Variants in LATS1 observed in about 807,000 individuals in gnomAD.
LATS1 encodes the protein serine/threonine-protein kinase LATS1.
LATS1 carries 25 observed loss-of-function variants against 106.6 expected under a neutral mutation model. The ratio of observed to expected loss-of-function variants is 0.23; its 90% CI spans 0.17 to 0.33. The LOEUF is 0.33. LATS1 is among the 10% of genes least tolerant of loss of function. The probability of loss-of-function intolerance (pLI) is 1.00; values close to 1 mark genes in which losing one functional copy is unlikely to be tolerated. For missense variants in LATS1, 1,040 were observed against 1,382.6 expected, an observed-to-expected ratio of 0.75 and a Z score of 3.93; for synonymous variants, 465 against 455.6, an observed-to-expected ratio of 1.02 and a Z score of -0.26.
intron 3 of LATS1, among the ~76,000 whole-genome samples, chr6:149,688,449 C>T (rs1782530617): frequency 6.6e-6 from 1 of 151,990 alleles, no homozygotes; most frequent in African/African-American, 2.4e-5. Context: ...GCTGGGATTA[C>T]AGGCGCCCAC....
chr6:149,708,110 C>T (rs1014199940), intron 1 of LATS1, among the ~76,000 whole-genome samples: 3 of 152,148 alleles, frequency 2.0e-5, no homozygotes, highest in Admixed American at 2.0e-4. Context: ...ACACAGGATT[C>T]ATTTTAAAGA....
At chr6:149,670,713 G>C (rs184325147) in intron 7 of LATS1, among the ~76,000 whole-genome samples, 1 of 152,194 alleles carries the variant, frequency 6.6e-6, no homozygotes, top group Admixed American at 6.5e-5. Flanking sequence ...AAGAGACAGA[G>C]ATCCATTTCT....
intron 2 of LATS1, among the ~76,000 whole-genome samples, chr6:149,698,795 C>T (rs1170726835): frequency 1.3e-5 from 2 of 152,046 alleles, no homozygotes; most frequent in East Asian, 3.9e-4. Flanking sequence ...CACCTGGCCT[C>T]AAGTGATCCA....
chr6:149,673,357 C>A (rs550286608), intron 7 of LATS1, among the ~76,000 whole-genome samples: 1 of 151,864 alleles, frequency 6.6e-6, no homozygotes, highest in East Asian at 1.9e-4. Flanking sequence ...CCTTGGCTTA[C>A]CAAAGTGCTA....
rs751326880 is a variant in LATS1 at position 149,717,997 on chromosome 6, C to T, written c.-289G>A. ...GGGGCTGCCGCGGGCCAGCGCGGCC[C>T]GTCCCAGGGGTCGTGAGGACCTGGC... On this transcript the variant is annotated 5_prime_UTR_variant, in exon 1 of 8. Transcript: ENST00000543571. The T allele has an allele frequency of 1.4e-5, 5 of 364,052 alleles. No homozygotes were observed. Among genetic ancestry groups the T allele is most frequent in the South Asian group, 9.2e-5 (5 of 54,196 alleles). The allele number at this position is 364,052 out of a possible 1,614,324, so 22.6% of individuals were successfully genotyped here. A position where few individuals can be genotyped will look rare whatever the true frequency, so the allele number is the denominator to read the frequency against.
chr6:149,708,393 C>T (rs1783901546), intron 1 of LATS1, among the ~76,000 whole-genome samples: 1 of 136,548 alleles, frequency 7.3e-6, no homozygotes, highest in Admixed American at 8.2e-5. Flanking sequence ...CCAGCCTGGG[C>T]GACAGAGCGA....
chr6:149,697,782 T>C (rs1249155602), intron 2 of LATS1, among the ~76,000 whole-genome samples: 2 of 152,112 alleles, frequency 1.3e-5, no homozygotes, highest in Non-Finnish European at 2.9e-5. Context: ...TCGCCTGGGG[T>C]TGGAGTGCAG....
intron 2 of LATS1, among the ~76,000 whole-genome samples, chr6:149,696,559 T>TAAAAA (rs372769091): frequency 6.5e-5 from 3 of 45,814 alleles, no homozygotes; most frequent in African/African-American, 1.8e-4. Context: ...AACTCCGTCT[T>TAAAAA]AAAAAAAAAA....
intron 1 of LATS1, among the ~76,000 whole-genome samples, chr6:149,703,811 G>T (rs1327026409): frequency 6.6e-6 from 1 of 152,122 alleles, no homozygotes; most frequent in East Asian, 1.9e-4. Flanking sequence ...CTAATAAATT[G>T]AACTAGGATT....
Position 149,659,088 on chromosome 6 carries a change from A to C in LATS1, c.*2641T>G, listed in dbSNP as rs1447971242. The C allele has an allele frequency of 6.4e-6, 1 of 156,614 alleles. No individual in the cohort carries two copies. Among genetic ancestry groups the C allele is most frequent in the Non-Finnish European group, 1.4e-5 (1 of 70,644 alleles). The allele number at this position is 156,614 out of a possible 1,614,324, so 9.7% of individuals were successfully genotyped here. On this transcript the variant is annotated 3_prime_UTR_variant, in exon 8 of 8. Transcript: ENST00000543571. ...ATAAGATAGCTGATAAGTATATCCA[A>C]ACTGTTAAAATTGCTGATACCAAAG...
rs745699903 is a variant in LATS1, at chr6:149,683,296, T to C, written c.1793A>G (p.Glu598Gly). The C allele has an allele frequency of 1.3e-5, 21 of 1,614,198 alleles. No homozygotes were observed. The highest frequency in any genetic ancestry group is 1.6e-4 in the Middle Eastern group (1 of 6,062). The part of the protein sequence containing the change: ...PKEDESEKSY[E>G]NVDSGDKEKK... The stretch of plus-strand genomic sequence containing the variant: ...TTCTTTATCCCCACTATCAACATTT[T>C]CATAACTCTTTTCACTCTCATCTTC... The change falls in exon 4 of 8, where the codon GAA becomes GGA. Residue 598 changes from glutamate to glycine, a missense_variant. Glu to Gly is a moderately conservative substitution (Grantham distance 98). Around this residue, in one of 7 missense-constraint regions of LATS1, gnomAD observed 167 missense variants for 332.1 expected, o/e 0.50. Transcript: ENST00000543571.
intron 2 of LATS1, among the ~76,000 whole-genome samples, chr6:149,700,778 A>C (rs1783407379): frequency 6.6e-6 from 1 of 152,238 alleles, no homozygotes; most frequent in South Asian, 2.1e-4. Context: ...ATAATTTTGA[A>C]AAATGTAATT....
intron 1 of LATS1, among the ~76,000 whole-genome samples, chr6:149,707,033 G>C (rs1321764053): frequency 4.5e-5 from 1 of 22,448 alleles, no homozygotes; most frequent in Non-Finnish European, 8.7e-5. Context: ...TTTTTTTTTT[G>C]AAGATGGAGT....
At chr6:149,684,662 C>T in intron 3 of LATS1, 70 bp from the exon 4 acceptor site, 2 of 1,102,022 alleles carry the variant, frequency 1.8e-6, no homozygotes, top group Non-Finnish European at 2.6e-6. Context: ...AAAACCTTAG[C>T]TTGCAATTCT....
At chr6:149,676,442 T>C in intron 6 of LATS1, 76 bp from the exon 7 acceptor site, 1 of 1,363,268 alleles carries the variant, frequency 7.3e-7, no homozygotes, top group South Asian at 1.3e-5. Context: ...AATCACCAAT[T>C]TATACTTTAA....
intron 7 of LATS1, among the ~76,000 whole-genome samples, chr6:149,669,318 A>G (rs1317096869): frequency 6.6e-6 from 1 of 151,874 alleles, no homozygotes; most frequent in East Asian, 1.9e-4. Context: ...TACTTTTAGT[A>G]GAGACGGGGT....
Position 149,683,681 on chromosome 6 carries a change from C to T in LATS1, c.1408G>A (p.Gly470Arg), listed in dbSNP as rs1395431789. ...VRSNSFNNPL[G>R]NRASHSANSQ... The stretch of plus-strand genomic sequence containing the variant: ...TTAGCAGAGTGACTTGCTCTATTTC[C>T]TAATGGGTTATTAAAAGAATTTGAC... Residue 470 changes from glycine (G) to arginine (R), a missense_variant, in exon 4 of 8, where the codon GGA becomes AGA. Coordinates refer to ENST00000543571, the MANE Select transcript of LATS1 (RefSeq NM_004690.4). 1 of 1,614,154 alleles carries T rather than the reference C, an allele frequency of 6.2e-7. No individual in the cohort carries two copies.
intron 1 of LATS1, chr6:149,716,556 T>C (rs1396452476): frequency 6.6e-6 from 1 of 152,192 alleles, no homozygotes; most frequent in Non-Finnish European, 1.5e-5. Flanking sequence ...ACACTATTTA[T>C]ATAGAACAAG....
Position 149,691,269 on chromosome 6 carries a change from G to C in LATS1, c.496+3805C>G, listed in dbSNP as rs182945943. Reference sequence around the variant, plus strand: ...ACCCCAGACACATGCACATGCAGAGGGACAAACATATGAGGACACAGCAAG... The same window carrying C: ...ACCCCAGACACATGCACATGCAGAGCGACAAACATATGAGGACACAGCAAG... On this transcript the variant is annotated intron_variant, in intron 3 of 7. Transcript: ENST00000543571. 3.9e-5 allele frequency among the ~76,000 whole-genome samples: 6 copies of C among 152,234 alleles called. No individual in the cohort carries two copies. In the South Asian group the frequency reaches 6.2e-4, roughly 16 times the overall value.
Sources: allele counts gnomAD v4.1 joint callset (sites outside exome capture counted in the v4.1 genomes callset), GRCh38; gene constraint gnomAD v4.1.1; regional missense constraint gnomAD v4.1.1; transcripts MANE v1.5; gene names NCBI Gene and HGNC (gene_info 2026-07-23, HGNC 2026-07-21).